Variants in SNTB1 observed in about 807,000 individuals in gnomAD.
SNTB1 encodes the protein beta-1-syntrophin.
SNTB1 carries 36 observed loss-of-function variants against 48.9 expected under a neutral mutation model. The ratio of observed to expected loss-of-function variants is 0.74; its 90% confidence interval spans 0.56 to 0.97. SNTB1 has a LOEUF of 0.97. Ranked by LOEUF, SNTB1 falls within the 50% of genes least tolerant of loss-of-function variation. SNTB1 has a pLI of 0.00. For synonymous variants in SNTB1, 299 were observed against 294.6 expected (o/e 1.01, Z -0.15); for missense variants, 786 against 703.4 (o/e 1.12, Z -1.33).
rs761442188 is a variant in SNTB1 at position 120,811,972 on chromosome 8, G to A, written c.-129C>T. 132 of 1,273,830 alleles carry A rather than the reference G, an allele frequency of 1.0e-4. No individual in the cohort carries two copies. Among genetic ancestry groups the A allele is most frequent in the Non-Finnish European group, 1.2e-4 (126 of 1,015,594 alleles). The allele number at this position is 1,273,830 out of a possible 1,614,324, so 78.9% of individuals were successfully genotyped here. A position where few individuals can be genotyped will look rare whatever the true frequency, so the allele number is the denominator to read the frequency against. Reference sequence around the variant, plus strand: ...TCCCGCGGGGAGGTGGCGGCACGCGGGACTCCGCTCCGGGAGTTCGCAGAC... The same window carrying A: ...TCCCGCGGGGAGGTGGCGGCACGCGAGACTCCGCTCCGGGAGTTCGCAGAC... On this transcript the variant is annotated 5_prime_UTR_variant, in exon 1 of 7. Coordinates refer to ENST00000517992, the MANE Select transcript of SNTB1 (RefSeq NM_021021.4).
intron 1 of SNTB1, among the ~76,000 whole-genome samples, chr8:120,710,032 A>G (rs767480414): frequency 3.3e-5 from 5 of 152,180 alleles, no homozygotes; most frequent in African/African-American, 4.8e-5. Context: ...GTAACACCCT[A>G]GAGCCATTTT....
At chr8:120,581,080 C>T (rs1276335668) in intron 3 of SNTB1, among the ~76,000 whole-genome samples, 1 of 136,432 alleles carries the variant, frequency 7.3e-6, no homozygotes, top group East Asian at 2.0e-4. Flanking sequence ...CAGAGTGAGA[C>T]CCTGTCTCAA....
At chr8:120,584,973 T>C (rs1816115347) in intron 3 of SNTB1, among the ~76,000 whole-genome samples, 1 of 152,144 alleles carries the variant, frequency 6.6e-6, no homozygotes, top group Non-Finnish European at 1.5e-5. Context: ...GAACATATTC[T>C]TCCTTATGTC....
intron 3 of SNTB1, among the ~76,000 whole-genome samples, chr8:120,625,315 G>A (rs1039597319): frequency 1.3e-5 from 2 of 152,176 alleles, no homozygotes; most frequent in African/African-American, 4.8e-5. Context: ...AGAGATTGAA[G>A]CAGGCCCATA....
At chr8:120,613,794 A>G (rs907118259) in intron 3 of SNTB1, among the ~76,000 whole-genome samples, 1 of 152,230 alleles carries the variant, frequency 6.6e-6, no homozygotes, top group African/African-American at 2.4e-5. Flanking sequence ...TATTAAACAA[A>G]TTCAAATGTA....
intron 1 of SNTB1, among the ~76,000 whole-genome samples, chr8:120,710,517 T>C (rs1818445027): frequency 6.6e-6 from 1 of 152,194 alleles, no homozygotes; most frequent in Non-Finnish European, 1.5e-5. Flanking sequence ...AAAATTCATG[T>C]TGAAATTTCA....
intron 1 of SNTB1, among the ~76,000 whole-genome samples, chr8:120,721,079 G>A (rs1340619202): frequency 6.6e-6 from 1 of 152,162 alleles, no homozygotes; most frequent in Non-Finnish European, 1.5e-5. Flanking sequence ...GACTTTTAGG[G>A]AAAGCTAAAT....
chr8:120,704,106 T>A (rs996107611), intron 1 of SNTB1, among the ~76,000 whole-genome samples: 1 of 152,222 alleles, frequency 6.6e-6, no homozygotes, highest in Non-Finnish European at 1.5e-5. Flanking sequence ...CAAATGTTCA[T>A]GTCTGAAACC....
At chr8:120,671,715 T>G (rs1383754211) in intron 2 of SNTB1, among the ~76,000 whole-genome samples, 1 of 152,244 alleles carries the variant, frequency 6.6e-6, no homozygotes, top group East Asian at 1.9e-4. Context: ...TAATTTGTTA[T>G]GGAAGTCTAG....
chr8:120,746,467 G>A (rs938836888), intron 1 of SNTB1, among the ~76,000 whole-genome samples: 8 of 152,116 alleles, frequency 5.3e-5, no homozygotes, highest in African/African-American at 1.7e-4. Flanking sequence ...TTTCAATAGC[G>A]CAGAGATTGC....
At chr8:120,745,348 A>G (rs1250548959) in intron 1 of SNTB1, among the ~76,000 whole-genome samples, 2 of 151,360 alleles carry the variant, frequency 1.3e-5, no homozygotes, top group African/African-American at 2.4e-5. Flanking sequence ...TCACACCTCT[A>G]CTCCAGCATT....
chr8:120,551,265 A>AG (rs1420438522), intron 4 of SNTB1, among the ~76,000 whole-genome samples: 1 of 151,612 alleles, frequency 6.6e-6, no homozygotes, highest in Non-Finnish European at 1.5e-5. Flanking sequence ...AAAAAAAAAA[A>AG]AAAAAAAGAA....
intron 1 of SNTB1, among the ~76,000 whole-genome samples, chr8:120,731,155 T>G (rs1818842504): frequency 6.6e-6 from 1 of 151,886 alleles, no homozygotes. Flanking sequence ...AAACAAATAA[T>G]AAATAATAGC....
At chr8:120,774,198 A>C (rs1326907158) in intron 1 of SNTB1, among the ~76,000 whole-genome samples, 1 of 152,236 alleles carries the variant, frequency 6.6e-6, no homozygotes, top group Non-Finnish European at 1.5e-5. Context: ...TCTAGAAGAA[A>C]GAACAGAATG....
chr8:120,691,495 T>C (rs1347104513), intron 2 of SNTB1, among the ~76,000 whole-genome samples: 1 of 152,202 alleles, frequency 6.6e-6, no homozygotes, highest in African/African-American at 2.4e-5. Flanking sequence ...AATTCAAAGA[T>C]TAGGCAGGTA....
At chr8:120,767,034 A>G (rs1819537504) in intron 1 of SNTB1, among the ~76,000 whole-genome samples, 1 of 152,214 alleles carries the variant, frequency 6.6e-6, no homozygotes, top group Non-Finnish European at 1.5e-5. Flanking sequence ...TATGTTTTAC[A>G]GATGGCCAGA....
intron 2 of SNTB1, among the ~76,000 whole-genome samples, chr8:120,651,231 T>C (rs1817406807): frequency 6.6e-6 from 1 of 152,062 alleles, no homozygotes. Flanking sequence ...TGCAGAAAAA[T>C]GCAAGCCCCA....
At chr8:120,808,732 T>C (rs1377107303) in intron 1 of SNTB1, among the ~76,000 whole-genome samples, 1 of 152,158 alleles carries the variant, frequency 6.6e-6, no homozygotes, top group African/African-American at 2.4e-5. Context: ...ATGCAGGCAT[T>C]GAAACTTTTC....
At chr8:120,621,713 G>T (rs1816795878) in intron 3 of SNTB1, among the ~76,000 whole-genome samples, 1 of 152,090 alleles carries the variant, frequency 6.6e-6, no homozygotes, top group Middle Eastern at 3.2e-3. Flanking sequence ...GCAAGAGAGA[G>T]CTTGGTCAAT....
Sources: gnomAD v4.1 joint callset for allele counts (sites outside exome capture counted in the v4.1 genomes callset) on GRCh38, gnomAD v4.1.1 for gene constraint, MANE v1.5 for transcripts, NCBI Gene and HGNC (gene_info 2026-07-23, HGNC 2026-07-21) for gene names.